CCNB3: variants seen among roughly 807,000 people sequenced by gnomAD.
CCNB3 encodes G2/mitotic-specific cyclin-B3.
CCNB3 carries 12 observed loss-of-function variants against 68.0 expected under a neutral mutation model. The ratio of observed to expected loss-of-function variants is 0.18; its 90% confidence interval spans 0.11 to 0.29. The LOEUF is 0.29. Ranked by LOEUF, CCNB3 falls within the 10% of genes least tolerant of loss-of-function variation. The pLI is 1.00. For missense variants in CCNB3, 904 were observed against 993.1 expected, an observed-to-expected ratio of 0.91 and a Z score of 1.21; for synonymous variants, 354 against 388.9, an observed-to-expected ratio of 0.91 and a Z score of 1.06.
chrX:50,279,764 A>G (rs1214828434), intron 1 of CCNB3, among the ~76,000 whole-genome samples: 1 of 89,982 alleles, frequency 1.1e-5, no homozygotes, highest in African/African-American at 4.0e-5. Context: ...GTAAATATAT[A>G]TGAATATGTA....
chrX:50,297,201 G>T (rs1188086815), intron 5 of CCNB3, among the ~76,000 whole-genome samples: 4 of 111,558 alleles, frequency 3.6e-5, no homozygotes, highest in Non-Finnish European at 7.5e-5. Context: ...TGAAATCCTT[G>T]CCCATGCCTA....
At chrX:50,281,063 A>G (rs968179952) in intron 1 of CCNB3, among the ~76,000 whole-genome samples, 1 of 110,862 alleles carries the variant, frequency 9.0e-6, no homozygotes, top group East Asian at 2.8e-4. Flanking sequence ...CGCCTGGCCA[A>G]AAACTCGTCT....
At chrX:50,279,523 A>G (rs1483694757) in intron 1 of CCNB3, among the ~76,000 whole-genome samples, 3 of 84,204 alleles carry the variant, frequency 3.6e-5, no homozygotes, top group East Asian at 7.0e-4. Context: ...ATTCATATAA[A>G]GATATATGAA....
chrX:50,338,743 T>C (rs1922980204), intron 8 of CCNB3, among the ~76,000 whole-genome samples: 1 of 112,663 alleles, frequency 8.9e-6, no homozygotes, highest in East Asian at 2.8e-4. Flanking sequence ...AGTTCTTTGC[T>C]AAGGCATATA....
intron 11 of CCNB3, among the ~76,000 whole-genome samples, chrX:50,347,986 C>A (rs1923488703): frequency 9.0e-6 from 1 of 111,407 alleles, no homozygotes. Context: ...TCAAAGTACC[C>A]TTTGTTCCAA....
intron 1 of CCNB3, among the ~76,000 whole-genome samples, chrX:50,208,571 C>G (rs1171736812): frequency 8.9e-6 from 1 of 112,285 alleles, no homozygotes; most frequent in Non-Finnish European, 1.9e-5. Context: ...ACTAGCCTTG[C>G]ATCCCTGGGA....
intron 1 of CCNB3, among the ~76,000 whole-genome samples, chrX:50,280,657 A>G (rs1453324303): frequency 2.7e-5 from 3 of 110,555 alleles, no homozygotes; most frequent in Non-Finnish European, 5.7e-5. Context: ...GCTTGACTCT[A>G]TAAGTGGTTA....
intron 1 of CCNB3, among the ~76,000 whole-genome samples, chrX:50,280,544 A>G (rs1451572355): frequency 1.8e-5 from 2 of 109,363 alleles, no homozygotes; most frequent in African/African-American, 6.6e-5. Context: ...TAACTTAACT[A>G]CTATTAGCTC....
In CCNB3 at chrX:50,304,827, A is replaced by T. The variant is rs1220807793; in HGVS notation, c.336-3678A>T. ...TTACAAGAAAAAAACAAACAACCCC[A>T]TCAACAAGTAGGCGAAGGATATGAA... On this transcript the variant is annotated intron_variant, in intron 5 of 12. Transcript: ENST00000376042. 2.7e-5 allele frequency among the ~76,000 whole-genome samples: 3 copies of T among 112,077 alleles called. No homozygotes were observed. The East Asian group carries it at 8.4e-4, about 31-fold the overall frequency.
At chrX:50,222,211 C>T (rs1935684992) in intron 1 of CCNB3, among the ~76,000 whole-genome samples, 1 of 111,341 alleles carries the variant, frequency 9.0e-6, no homozygotes, top group Non-Finnish European at 1.9e-5. Context: ...GGTCTTGACT[C>T]TTTATCCACT....
chrX:50,348,464 A>G (rs1214904090), intron 11 of CCNB3, among the ~76,000 whole-genome samples: 1 of 111,739 alleles, frequency 8.9e-6, no homozygotes, highest in Non-Finnish European at 1.9e-5. Flanking sequence ...CTCCTACCTA[A>G]AAATCCTGGA....
intron 11 of CCNB3, among the ~76,000 whole-genome samples, chrX:50,348,337 G>A (rs1046179751): frequency 8.9e-5 from 10 of 111,790 alleles, no homozygotes; most frequent in African/African-American, 3.3e-4. Flanking sequence ...GAAAAGTTGG[G>A]GGTAAAATCA....
intron 11 of CCNB3, 91 bp downstream of exon 11, chrX:50,347,866 A>G: frequency 2.2e-6 from 2 of 898,630 alleles, no homozygotes; most frequent in Non-Finnish European, 3.0e-6. Flanking sequence ...GCCACGGGAA[A>G]CTCTTGGGGA....
At chrX:50,322,905 A>G (rs1557216740) in intron 8 of CCNB3, among the ~76,000 whole-genome samples, 1 of 110,784 alleles carries the variant, frequency 9.0e-6, no homozygotes. Flanking sequence ...CGATCATTAA[A>G]AAGTCAGGAA....
chrX:50,288,363 A>G (rs1936279776), intron 3 of CCNB3, among the ~76,000 whole-genome samples: 3 of 110,832 alleles, frequency 2.7e-5, no homozygotes, highest in African/African-American at 9.8e-5. Context: ...CATAAGAGAC[A>G]CTTAGATACT....
At chrX:50,333,124 C>T (rs1188050915) in intron 8 of CCNB3, among the ~76,000 whole-genome samples, 2 of 111,548 alleles carry the variant, frequency 1.8e-5, no homozygotes, top group African/African-American at 3.3e-5. Context: ...ACTCTGAGGT[C>T]GGTAGGCGGC....
chrX:50,296,257 TC>T (rs1218133683), intron 5 of CCNB3, among the ~76,000 whole-genome samples: 18 of 96,480 alleles, frequency 1.9e-4, no homozygotes, highest in Non-Finnish European at 2.1e-5. Flanking sequence ...TAGGTATATC[TC>T]CTAATGCTAT....
Position 50,346,648 on chromosome X carries a change from A to G in CCNB3, c.3655-4A>G, listed in dbSNP as rs782367830. On this transcript the variant is annotated splice_polypyrimidine_tract_variant and splice_region_variant and intron_variant, in intron 9 of 12. Coordinates refer to ENST00000376042, the MANE Select transcript of CCNB3 (RefSeq NM_033031.3). ...TTGTCACCTCCTCTCCTCTCCACCC[A>G]TAGGAGCACAACTCACCTCGTGTGG... is the stretch of plus-strand genomic sequence containing the variant. 6 of 1,207,651 alleles carry G rather than the reference A, an allele frequency of 5.0e-6. No individual in the cohort carries two copies. Among genetic ancestry groups the G allele is most frequent in the South Asian group, 3.6e-5 (2 of 56,012 alleles).
chrX:50,305,740 T>C (rs1217859532), intron 5 of CCNB3, among the ~76,000 whole-genome samples: 1 of 107,464 alleles, frequency 9.3e-6, no homozygotes, highest in Non-Finnish European at 1.9e-5. Context: ...TGGATCAACT[T>C]GGGAAGTATT....
Sources: allele counts gnomAD v4.1 joint callset (sites outside exome capture counted in the v4.1 genomes callset), GRCh38; gene constraint gnomAD v4.1.1; transcripts MANE v1.5; gene names NCBI Gene and HGNC (gene_info 2026-07-23, HGNC 2026-07-21).